CLSTN2: variants seen among roughly 807,000 people sequenced by gnomAD.
CLSTN2 encodes calsyntenin-2.
CLSTN2 carries 48 observed loss-of-function variants against 101.2 expected under a neutral mutation model. That is an observed-to-expected ratio of 0.47 (90% CI 0.38 to 0.60). The LOEUF (loss-of-function observed/expected upper bound fraction) is 0.60. Ranked by LOEUF, CLSTN2 falls within the 20% of genes least tolerant of loss-of-function variation. The pLI, the probability that CLSTN2 is intolerant of heterozygous loss-of-function variation, is 0.00. For synonymous variants in CLSTN2, 481 were observed against 463.6 expected (o/e 1.04, Z -0.48); for missense variants, 1,160 against 1,238.2 (o/e 0.94, Z 0.95).
At chr3:140,103,371 C>G (rs909670482) in intron 1 of CLSTN2, among the ~76,000 whole-genome samples, 2 of 152,116 alleles carry the variant, frequency 1.3e-5, no homozygotes, top group African/African-American at 4.8e-5. Context: ...GCAGCTACCC[C>G]CTCCATAGTG....
chr3:140,125,738 T>C (rs2009418932), intron 1 of CLSTN2, among the ~76,000 whole-genome samples: 1 of 152,166 alleles, frequency 6.6e-6, no homozygotes, highest in African/African-American at 2.4e-5. Flanking sequence ...TGTTTACGTG[T>C]TCTCCAGACA....
At chr3:140,544,449 A>C (rs1935546449) in intron 9 of CLSTN2, among the ~76,000 whole-genome samples, 1 of 152,198 alleles carries the variant, frequency 6.6e-6, no homozygotes, top group Non-Finnish European at 1.5e-5. Context: ...AGTGGTTCTT[A>C]ACCTTGACTT....
intron 1 of CLSTN2, among the ~76,000 whole-genome samples, chr3:140,082,361 T>C (rs2008612783): frequency 6.6e-6 from 1 of 152,200 alleles, no homozygotes; most frequent in Admixed American, 6.5e-5. Context: ...CATTGCTTTT[T>C]GGCTTGGGGT....
intron 1 of CLSTN2, among the ~76,000 whole-genome samples, chr3:140,005,474 AC>A (rs1229728128): frequency 1.3e-5 from 2 of 151,742 alleles, no homozygotes; most frequent in East Asian, 1.9e-4. Flanking sequence ...ATCTTCGTTC[AC>A]CCCCTGCCCA....
At chr3:140,321,165 A>C (rs767566999) in intron 2 of CLSTN2, among the ~76,000 whole-genome samples, 1 of 152,180 alleles carries the variant, frequency 6.6e-6, no homozygotes, top group Non-Finnish European at 1.5e-5. Flanking sequence ...GTATGATTCT[A>C]TTCTGGGCAG....
chr3:140,137,435 G>T (rs777875104), intron 1 of CLSTN2, among the ~76,000 whole-genome samples: 1 of 151,996 alleles, frequency 6.6e-6, no homozygotes, highest in East Asian at 1.9e-4. Flanking sequence ...ACTAGACTAG[G>T]TTCCTGTCCT....
chr3:139,985,803 G>T lies in CLSTN2; in HGVS notation c.109+50320G>T, dbSNP rs146348478. On this transcript the variant is annotated intron_variant, in intron 1 of 16. Coordinates refer to ENST00000458420, the MANE Select transcript of CLSTN2 (RefSeq NM_022131.3). ...TATGTTATCCAGAGTGAACAGTAGG[G>T]CTTCCTTGGATTATGGGAATGTTCT... is the stretch of plus-strand genomic sequence containing the variant. Among the ~76,000 whole-genome samples, 435 of 152,320 alleles carry T rather than the reference G, an allele frequency of 2.9e-3. 1 individual carries two copies. The highest frequency in any genetic ancestry group is 4.4e-3 in the Non-Finnish European group (296 of 68,024).
Position 140,422,436 on chromosome 3 carries a change from A to G in CLSTN2, c.787+1162A>G, listed in dbSNP as rs563928985. ...ACACCTGTTTCAGAAGCTGCCTGAC[A>G]TCATTCCCCTCAGAAGGCAGTTCTC... is the stretch of plus-strand genomic sequence containing the variant. On this transcript the variant is annotated intron_variant, in intron 5 of 16. Coordinates refer to ENST00000458420, the MANE Select transcript of CLSTN2 (RefSeq NM_022131.3). 5.9e-5 allele frequency among the ~76,000 whole-genome samples: 9 copies of G among 152,288 alleles called. No homozygotes were observed. The East Asian group carries it at 1.7e-3, about 29-fold the overall frequency.
At chr3:140,451,225 G>A (rs1005739809) in intron 6 of CLSTN2, among the ~76,000 whole-genome samples, 1 of 152,214 alleles carries the variant, frequency 6.6e-6, no homozygotes, top group Non-Finnish European at 1.5e-5. Flanking sequence ...ATGCACTTGT[G>A]ATTTGCTTTT....
intron 1 of CLSTN2, among the ~76,000 whole-genome samples, chr3:139,948,247 G>A (rs1045561923): frequency 1.3e-5 from 2 of 151,994 alleles, no homozygotes; most frequent in African/African-American, 4.8e-5. Context: ...CATCACCCTA[G>A]CTTTACAATT....
chr3:140,379,647 C>A (rs1215472080), intron 2 of CLSTN2, among the ~76,000 whole-genome samples: 1 of 152,174 alleles, frequency 6.6e-6, no homozygotes, highest in East Asian at 1.9e-4. Context: ...TTAAAATGTG[C>A]ATGCCCAGTA....
chr3:140,244,578 A>G (rs1267285394), intron 2 of CLSTN2, among the ~76,000 whole-genome samples: 2 of 152,160 alleles, frequency 1.3e-5, no homozygotes, highest in African/African-American at 4.8e-5. Context: ...CCTGGCCCTT[A>G]AGTTCATGCC....
chr3:140,213,720 C>T lies in CLSTN2; in HGVS notation c.232+37647C>T, dbSNP rs1405298261. On this transcript the variant is annotated intron_variant, in intron 2 of 16. Transcript: ENST00000458420. ...CGTGTGATGGGGAGAATGCAGGGCC[C>T]CTTGGTTAGCGAGGAGGTTAGCAAG... Among the ~76,000 whole-genome samples the T allele has an allele frequency of 1.7e-4, 26 of 152,126 alleles. 1 individual carries two copies. The highest frequency in any genetic ancestry group is 1.7e-3 in the Admixed American group (26 of 15,266).
At chr3:140,051,090 C>T (rs114548806) in intron 1 of CLSTN2, among the ~76,000 whole-genome samples, 2,309 of 152,310 alleles carry the variant, frequency 0.015, 53 homozygotes, top group African/African-American at 0.051. Flanking sequence ...ACTCCCTCTC[C>T]CCTGCCCATC....
intron 2 of CLSTN2, among the ~76,000 whole-genome samples, chr3:140,344,315 G>T (rs937038297): frequency 2.6e-4 from 39 of 152,176 alleles, no homozygotes; most frequent in African/African-American, 9.4e-4. Context: ...GAGGAGCACA[G>T]AGGACAGGGC....
At chr3:140,214,599 T>C (rs959657837) in intron 2 of CLSTN2, among the ~76,000 whole-genome samples, 2 of 152,208 alleles carry the variant, frequency 1.3e-5, no homozygotes, top group African/African-American at 4.8e-5. Flanking sequence ...CTAACTCCCT[T>C]TCCCAACATC....
chr3:140,121,179 A>G (rs1233083930), intron 1 of CLSTN2, among the ~76,000 whole-genome samples: 1 of 152,360 alleles, frequency 6.6e-6, no homozygotes, highest in Non-Finnish European at 1.5e-5. Context: ...GATGATGAAA[A>G]GGTTACAGGA....
At chr3:140,051,792 G>C (rs1271081542) in intron 1 of CLSTN2, among the ~76,000 whole-genome samples, 1 of 152,178 alleles carries the variant, frequency 6.6e-6, no homozygotes, top group Non-Finnish European at 1.5e-5. Context: ...AATCCCTCCA[G>C]GTGATTTCAA....
chr3:140,036,126 C>A (rs1431854256), intron 1 of CLSTN2, among the ~76,000 whole-genome samples: 2 of 152,200 alleles, frequency 1.3e-5, no homozygotes, highest in Non-Finnish European at 2.9e-5. Context: ...GGGGCAGGGG[C>A]AGCATTCATT....
Sources: allele counts gnomAD v4.1 joint callset (sites outside exome capture counted in the v4.1 genomes callset), GRCh38; gene constraint gnomAD v4.1.1; transcripts MANE v1.5; gene names NCBI Gene and HGNC (gene_info 2026-07-23, HGNC 2026-07-21).